The following COL21A1 variants were observed in gnomAD, a reference collection of about 807,000 sequenced individuals.
COL21A1 encodes the protein collagen type XXI alpha 1 chain.
A neutral mutation model predicts 137.9 loss-of-function variants in COL21A1; 149 were observed. The observed-to-expected ratio is 1.08, with a 90% CI of 0.95 to 1.24. The LOEUF is 1.24. Ranked by LOEUF, COL21A1 falls within the 50% of genes most tolerant of loss-of-function variation. COL21A1 has a pLI of 0.00. For synonymous variants in COL21A1, 456 were observed against 391.5 expected, an observed-to-expected ratio of 1.16 and a Z score of -1.95; for missense variants, 1,167 against 1,158.4, an observed-to-expected ratio of 1.01 and a Z score of -0.11.
At chr6:56,293,895 C>T (rs1764109436) in intron 1 of COL21A1, among the ~76,000 whole-genome samples, 1 of 152,168 alleles carries the variant, frequency 6.6e-6, no homozygotes, top group Non-Finnish European at 1.5e-5. Flanking sequence ...AGAAAGGTTT[C>T]TATTGTATTA....
intron 16 of COL21A1, among the ~76,000 whole-genome samples, chr6:56,104,396 CTCT>C (rs1770701011): frequency 6.6e-6 from 1 of 152,140 alleles, no homozygotes; most frequent in African/African-American, 2.4e-5. Flanking sequence ...TAAGAACACT[CTCT>C]TCATTTTTTA....
At chr6:56,139,282 C>T (rs1052910712) in intron 12 of COL21A1, among the ~76,000 whole-genome samples, 3 of 152,134 alleles carry the variant, frequency 2.0e-5, no homozygotes, top group Admixed American at 1.3e-4. Flanking sequence ...CAACCACATG[C>T]ATGTCCTCAT....
chr6:56,244,884 A>G (rs981752593), intron 1 of COL21A1, among the ~76,000 whole-genome samples: 1 of 152,170 alleles, frequency 6.6e-6, no homozygotes, highest in Non-Finnish European at 1.5e-5. Flanking sequence ...TGGTCCTAAG[A>G]GGATAATAGA....
In COL21A1 at chr6:56,098,622, TATAA is replaced by T. The variant is rs1336875862; in HGVS notation, c.1812+2846_1812+2849del. 8.3e-4 allele frequency among the ~76,000 whole-genome samples: 45 copies of T among 53,952 alleles called. 6 individuals are homozygous for T. Among genetic ancestry groups the T allele is most frequent in the African/African-American group, 3.9e-3 (39 of 9,978 alleles). 35.4% of individuals were successfully genotyped at this position (53,952 alleles called of 152,430 possible). A position where few individuals can be genotyped will look rare whatever the true frequency, so the allele number is the denominator to read the frequency against. ...ATATATATAAATATATATAAATATA[TATAA>T]ATATATATATAAATATATATAAATA... On this transcript the variant is annotated intron_variant, in intron 17 of 29. Transcript: ENST00000244728.
chr6:56,323,898 C>T (rs921518708), intron 1 of COL21A1, among the ~76,000 whole-genome samples: 3 of 152,044 alleles, frequency 2.0e-5, no homozygotes, highest in Non-Finnish European at 4.4e-5. Flanking sequence ...AGGAGCTACA[C>T]AGATGGGGAG....
chr6:56,110,598 A>T (rs1358902093), intron 16 of COL21A1, among the ~76,000 whole-genome samples: 1 of 151,996 alleles, frequency 6.6e-6, no homozygotes, highest in African/African-American at 2.4e-5. Flanking sequence ...CTGAGAAATC[A>T]ACAAAAAAAG....
chr6:56,173,692 A>C (rs1437344611), intron 3 of COL21A1, among the ~76,000 whole-genome samples: 1 of 152,194 alleles, frequency 6.6e-6, no homozygotes, highest in Non-Finnish European at 1.5e-5. Context: ...CAACATCATG[A>C]TAACAAAAAT....
At chr6:56,169,286 A>G (rs1164535093) in intron 5 of COL21A1, among the ~76,000 whole-genome samples, 1 of 151,894 alleles carries the variant, frequency 6.6e-6, no homozygotes, top group Non-Finnish European at 1.5e-5. Flanking sequence ...CTCTCCCTAC[A>G]GTTCTGTTAG....
At chr6:56,060,409 G>A (rs1174801976) in intron 27 of COL21A1, 191 bp from the exon 28 acceptor site, 2 of 552,042 alleles carry the variant, frequency 3.6e-6, no homozygotes, top group East Asian at 3.4e-5. Flanking sequence ...AATTTTATTA[G>A]AGCAATTGCT....
intron 12 of COL21A1, among the ~76,000 whole-genome samples, chr6:56,129,269 G>A (rs1773299827): frequency 6.6e-6 from 1 of 151,824 alleles, no homozygotes; most frequent in Non-Finnish European, 1.5e-5. Flanking sequence ...CTGGCAAAAG[G>A]GGGGCCTCTG....
chr6:56,161,817 T>C (rs960628348), intron 9 of COL21A1, among the ~76,000 whole-genome samples: 1 of 152,184 alleles, frequency 6.6e-6, no homozygotes, highest in Non-Finnish European at 1.5e-5. Context: ...AGTGTTGTCA[T>C]ATTTTCCAGA....
intron 1 of COL21A1, among the ~76,000 whole-genome samples, chr6:56,393,230 C>T (rs942092669): frequency 4.0e-4 from 61 of 151,928 alleles, no homozygotes; most frequent in African/African-American, 1.5e-3. Context: ...ACAAAAATGC[C>T]AAGAATATAA....
At chr6:56,293,571 A>T (rs897937702) in intron 1 of COL21A1, among the ~76,000 whole-genome samples, 2 of 152,162 alleles carry the variant, frequency 1.3e-5, no homozygotes, top group Non-Finnish European at 2.9e-5. Flanking sequence ...ACTGTCATAT[A>T]AATGTATTAA....
rs142825883 is a variant in COL21A1, at chr6:56,162,635, G to A, written c.1371+1788C>T. Among the ~76,000 whole-genome samples the A allele has an allele frequency of 4.6e-3, 698 of 152,268 alleles. 10 individuals carry two copies. The highest frequency in any genetic ancestry group is 0.016 in the African/African-American group (670 of 41,558). ...TGGTAGAGGTGGCTTGAACCTCACT[G>A]AGAGTCAGAAAAGCACTCTAGGCTT... On this transcript the variant is annotated intron_variant, in intron 9 of 29. Transcript: ENST00000244728.
intron 1 of COL21A1, among the ~76,000 whole-genome samples, chr6:56,194,187 G>A (rs1469646017): frequency 2.0e-5 from 3 of 152,136 alleles, no homozygotes; most frequent in East Asian, 1.9e-4. Context: ...CTATTTATAT[G>A]TAATTCATTC....
At chr6:56,098,432 T>G (rs1199366261) in intron 17 of COL21A1, among the ~76,000 whole-genome samples, 1 of 7,114 alleles carries the variant, frequency 1.4e-4, no homozygotes, top group African/African-American at 8.8e-4. Flanking sequence ...AATATATAAA[T>G]ATATATAAAT....
intron 10 of COL21A1, among the ~76,000 whole-genome samples, chr6:56,145,939 C>A (rs1282621692): frequency 6.6e-6 from 1 of 151,740 alleles, no homozygotes; most frequent in African/African-American, 2.4e-5. Flanking sequence ...TTTAATTTTC[C>A]TCCATGATTC....
intron 1 of COL21A1, among the ~76,000 whole-genome samples, chr6:56,269,969 A>T (rs1763484909): frequency 6.6e-6 from 1 of 152,220 alleles, no homozygotes; most frequent in African/African-American, 2.4e-5. Context: ...ACCTGCTACC[A>T]CAAAAGCACA....
chr6:56,098,638 A>AATAT (rs1283689262), intron 17 of COL21A1, among the ~76,000 whole-genome samples: 4 of 15,200 alleles, frequency 2.6e-4, no homozygotes, highest in South Asian at 1.7e-3. Flanking sequence ...TATATATATA[A>AATAT]ATATATATAA....
Sources: gnomAD v4.1 joint callset for allele counts (sites outside exome capture counted in the v4.1 genomes callset) on GRCh38, gnomAD v4.1.1 for gene constraint, MANE v1.5 for transcripts, NCBI Gene and HGNC (gene_info 2026-07-23, HGNC 2026-07-21) for gene names.